Variants in TFE3 observed in about 807,000 individuals in gnomAD.
TFE3 encodes the protein transcription factor binding to IGHM enhancer 3.
Under a neutral mutation model 35.0 loss-of-function variants are expected in TFE3, and 5 were observed. The observed-to-expected ratio is 0.14, with a 90% confidence interval of 0.07 to 0.30. The LOEUF is 0.30. TFE3 is among the 10% of genes least tolerant of loss of function. The pLI is 1.00. For missense variants in TFE3, 374 were observed against 496.6 expected, an observed-to-expected ratio of 0.75 and a Z score of 2.35; for synonymous variants, 211 against 215.6, an observed-to-expected ratio of 0.98 and a Z score of 0.18.
intron 1 of TFE3, 78 bp from the exon 2 acceptor site, chrX:49,040,646 A>G: frequency 1.4e-6 from 1 of 732,633 alleles, no homozygotes; most frequent in Non-Finnish European, 2.1e-6. Flanking sequence ...ACAGAGAAAG[A>G]GAGAGAGAGG....
At chrX:49,034,635 G>A (rs781838674) in intron 5 of TFE3, among the ~76,000 whole-genome samples, 4 of 112,000 alleles carry the variant, frequency 3.6e-5, no homozygotes, top group Non-Finnish European at 7.5e-5. Context: ...GGACATTCCA[G>A]TCCGTTAGCT....
rs2064682619 is a variant in TFE3 at position 49,028,946 on chromosome X, GT to G, written c.*1211del. On this transcript the variant is annotated 3_prime_UTR_variant, in exon 10 of 10. Transcript: ENST00000315869. ...ATGAAGAACTGGGTGGGGAACAGAG[GT>G]TGGGGTGGCCTAGATTCTCAGTATG... 1 of 171,481 alleles carries G rather than the reference GT, an allele frequency of 5.8e-6. No homozygotes were observed. The highest frequency in any genetic ancestry group is 3.0e-5 in the African/African-American group (1 of 33,474). The allele number at this position is 171,481 out of a possible 1,213,427, so 14.1% of individuals were successfully genotyped here.
chrX:49,040,435 G>C lies in TFE3; in HGVS notation c.230+20C>G. 1 of 1,161,464 alleles carries C rather than the reference G, an allele frequency of 8.6e-7. No homozygotes were observed. The highest frequency in any genetic ancestry group is 1.2e-6 in the Non-Finnish European group (1 of 850,172). On this transcript the variant is annotated intron_variant, in intron 2 of 9. Transcript: ENST00000315869. ...GGCTGAGGAATTGGGAGGGGAATCA[G>C]ATAGACAAGTCATACATACCTTGAG...
Position 49,033,136 on chromosome X carries a change from C to A in TFE3, c.1136+329G>T, listed in dbSNP as rs2064708982. Among the ~76,000 whole-genome samples the A allele has an allele frequency of 2.7e-5, 3 of 110,137 alleles. No homozygotes were observed. The Admixed American group carries it at 2.9e-4, about 11-fold the overall frequency. On this transcript the variant is annotated intron_variant, in intron 8 of 9. Coordinates refer to ENST00000315869, the MANE Select transcript of TFE3 (RefSeq NM_006521.6). ...AATCTTGAATAAATAAAGGAAGTAC[C>A]ATTGCACCACTGCACTCCAGCCTGG...
In TFE3 at chrX:49,031,327, G is replaced by A. The variant is rs2064698657; in HGVS notation, c.1284+70C>T. Reference sequence around the variant, plus strand: ...ATGCCAGGAAGGGAAACCCTGGCCTGCTCTCTCTCTGCCTCCACCTGCAGG... The same window carrying A: ...ATGCCAGGAAGGGAAACCCTGGCCTACTCTCTCTCTGCCTCCACCTGCAGG... On this transcript the variant is annotated intron_variant, in intron 9 of 9. Transcript: ENST00000315869. The A allele has an allele frequency of 4.5e-6, 5 of 1,108,775 alleles. No individual in the cohort carries two copies. In the South Asian group the frequency reaches 7.0e-5, roughly 16 times the overall value. 91.4% of individuals were successfully genotyped at this position (1,108,775 alleles called of 1,213,427 possible).
rs781999310 is a variant in TFE3, at chrX:49,029,876, T to C, written c.*282A>G. 4.0e-6 allele frequency: 2 copies of C among 502,472 alleles called. No individual in the cohort carries two copies. The highest frequency in any genetic ancestry group is 4.8e-5 in the South Asian group (2 of 41,662). 41.4% of individuals were successfully genotyped at this position (502,472 alleles called of 1,213,427 possible). On this transcript the variant is annotated 3_prime_UTR_variant, in exon 10 of 10. Transcript: ENST00000315869. The stretch of plus-strand genomic sequence containing the variant: ...AGGATGAGTCCCACAGGGGCAGGGG[T>C]GAGGCTGTGATCCCCAGGGGGCAGG...
intron 8 of TFE3, chrX:49,031,800 T>C (rs942472322): frequency 3.7e-6 from 1 of 268,281 alleles, no homozygotes; most frequent in South Asian, 1.2e-4. Flanking sequence ...GTCCCTCCGA[T>C]TGATCTCACT....
chrX:49,038,546 A>G, intron 3 of TFE3, 104 bp from the exon 4 acceptor site: 1 of 990,914 alleles, frequency 1.0e-6, no homozygotes, highest in African/African-American at 1.9e-5. Context: ...ATTGGTGCCT[A>G]GACTCACGCA....
At chrX:49,034,358 C>A (rs1022649074) in intron 5 of TFE3, 107 bp from the exon 6 acceptor site, 1 of 537,738 alleles carries the variant, frequency 1.9e-6, no homozygotes, top group Non-Finnish European at 3.2e-6. Context: ...GATGGGGCAC[C>A]CTCTAATGCA....
At chrX:49,031,629 G>A in intron 8 of TFE3, 85 bp from the exon 9 acceptor site, 6 of 1,009,990 alleles carry the variant, frequency 5.9e-6, no homozygotes, top group Non-Finnish European at 7.9e-6. Flanking sequence ...CCAGGTGGGA[G>A]CCTCCCACCA....
chrX:49,043,059 TC>T, intron 1 of TFE3, 51 bp downstream of exon 1: 1 of 1,038,574 alleles, frequency 9.6e-7, no homozygotes, highest in Non-Finnish European at 1.3e-6. Context: ...GCCCCCGAGA[TC>T]AGGCCCCTGG....
At chrX:49,037,483 G>A (rs376489980) in intron 5 of TFE3, among the ~76,000 whole-genome samples, 1 of 109,974 alleles carries the variant, frequency 9.1e-6, no homozygotes, top group Non-Finnish European at 1.9e-5. Context: ...GGCAGATCAC[G>A]AAGTCAGGAG....
In TFE3 at chrX:49,039,139, G is replaced by A; in HGVS notation, c.502C>T (p.Pro168Ser). Residue 168 changes from proline (P) to serine (S), a missense_variant, in exon 3 of 10, where the codon CCC (proline) becomes TCC (serine). Pro to Ser is a moderately conservative substitution (Grantham distance 74). This residue lies in a region of TFE3 where 167 missense variants were observed against 297.2 expected (regional missense o/e 0.56). Transcript: ENST00000315869. ...ACCTCCCTGGGCACCTGAGCAGGGGGTGGACGGCTCAATGTGTGGCCCCCA... is the reference window on the plus strand; with the variant it reads ...ACCTCCCTGGGCACCTGAGCAGGGGATGGACGGCTCAATGTGTGGCCCCCA... ...SAGGHTLSRP[P>S]PAQVPREVLK... The A allele has an allele frequency of 8.4e-7, 1 of 1,185,296 alleles. No homozygotes were observed. The highest frequency in any genetic ancestry group is 1.1e-6 in the Non-Finnish European group (1 of 880,472).
intron 5 of TFE3, among the ~76,000 whole-genome samples, chrX:49,037,430 G>A (rs2064736739): frequency 8.9e-6 from 1 of 111,947 alleles, no homozygotes; most frequent in African/African-American, 3.2e-5. Flanking sequence ...GCCGGGTGTG[G>A]TGGCTCACGC....
At chrX:49,040,595 G>C (rs782727365) in intron 1 of TFE3, 27 bp from the exon 2 acceptor site, 2 of 1,041,305 alleles carry the variant, frequency 1.9e-6, no homozygotes, top group Admixed American at 4.4e-5. Flanking sequence ...GTGGTGGTCA[G>C]TGATTGAATG....
In TFE3 at chrX:49,035,322, A is replaced by AAAAT. The variant is rs781998192; in HGVS notation, c.886-1075_886-1072dup. On this transcript the variant is annotated intron_variant, in intron 5 of 9. Transcript: ENST00000315869. ...GGGCAACAGAGCAAGACTCTATCTC[A>AAAAT]AAATAAATAAATAAATAAATAAATA... Among the ~76,000 whole-genome samples, 272 of 83,476 alleles carry AAAAT rather than the reference A, an allele frequency of 3.3e-3. 5 individuals carry two copies. The highest frequency in any genetic ancestry group is 8.8e-3 in the East Asian group (23 of 2,622). 72.5% of individuals were successfully genotyped at this position (83,476 alleles called of 115,157 possible). A position where few individuals can be genotyped will look rare whatever the true frequency, so the allele number is the denominator to read the frequency against.
Position 49,033,720 on chromosome X carries a change from G to A in TFE3, c.1060+6C>T, listed in dbSNP as rs782379337. 8 of 1,211,101 alleles carry A rather than the reference G, an allele frequency of 6.6e-6. No homozygotes were observed. The highest frequency in any genetic ancestry group is 7.8e-6 in the Non-Finnish European group (7 of 895,203). On this transcript the variant is annotated splice_donor_region_variant and intron_variant, in intron 7 of 9. Transcript: ENST00000315869. ...ACCCGGGCAATGCACACGCTCTCTG[G>A]CTTACTTAGGTTGTGATTGTCTTTC...
Position 49,029,394 on chromosome X carries a change from T to G in TFE3, c.*764A>C, listed in dbSNP as rs1159284036. 3.2e-5 allele frequency: 7 copies of G among 216,790 alleles called. No individual in the cohort carries two copies. The highest frequency in any genetic ancestry group is 5.3e-5 in the Non-Finnish European group (6 of 113,539). The allele number at this position is 216,790 out of a possible 1,213,427, so 17.9% of individuals were successfully genotyped here. On this transcript the variant is annotated 3_prime_UTR_variant, in exon 10 of 10. Coordinates refer to ENST00000315869, the MANE Select transcript of TFE3 (RefSeq NM_006521.6). ...GGCAGGGGAGCTTAAGTACCACTCC[T>G]CCCTGCAGTGTGGAATGCTTAGATG... is the stretch of plus-strand genomic sequence containing the variant.
intron 1 of TFE3, among the ~76,000 whole-genome samples, chrX:49,041,225 C>G (rs1022648032): frequency 1.8e-5 from 2 of 111,345 alleles, no homozygotes; most frequent in Non-Finnish European, 3.8e-5. Context: ...GCCACTGCGC[C>G]CGGCCAACCC....
Sources: allele counts gnomAD v4.1 joint callset (sites outside exome capture counted in the v4.1 genomes callset), GRCh38; gene constraint gnomAD v4.1.1; regional missense constraint gnomAD v4.1.1; transcripts MANE v1.5; gene names NCBI Gene and HGNC (gene_info 2026-07-23, HGNC 2026-07-21).